GLT8D1: variants seen among roughly 807,000 people sequenced by gnomAD.
GLT8D1 encodes glycosyltransferase 8 domain containing 1, also known as glycosyltransferase 8 domain-containing protein 1.
In GLT8D1, 41 loss-of-function variants were observed where a neutral mutation model predicts 46.2. The observed-to-expected ratio is 0.89, with a 90% CI of 0.69 to 1.15. GLT8D1 has a LOEUF of 1.15. Among genes scored for constraint, GLT8D1 ranks in the 50% most tolerant of loss-of-function variants. GLT8D1 has a pLI of 0.00. For synonymous variants in GLT8D1, 150 were observed against 154.2 expected (o/e 0.97, Z 0.20); for missense variants, 408 against 449.3 (o/e 0.91, Z 0.83).
chr3:52,705,766 A>G lies in GLT8D1; in HGVS notation c.-356T>C. 8.9e-7 allele frequency: 1 copy of G among 1,122,202 alleles called. No individual in the cohort carries two copies. The highest frequency in any genetic ancestry group is 1.6e-5 in the African/African-American group (1 of 60,980). 69.5% of individuals were successfully genotyped at this position (1,122,202 alleles called of 1,614,324 possible). A position where few individuals can be genotyped will look rare whatever the true frequency, so the allele number is the denominator to read the frequency against. Reference sequence around the variant, plus strand: ...CAGCCAGCCCGCAGCGGTAACCGCTAGAGCGTCGCGCCAAGCAGGCGCCGC... The same window carrying G: ...CAGCCAGCCCGCAGCGGTAACCGCTGGAGCGTCGCGCCAAGCAGGCGCCGC... On this transcript the variant is annotated 5_prime_UTR_variant, in exon 1 of 10. Coordinates refer to ENST00000266014, the MANE Select transcript of GLT8D1 (RefSeq NM_018446.4).
chr3:52,700,763 G>T (rs2097338686), intron 1 of GLT8D1: 3 of 258,892 alleles, frequency 1.2e-5, no homozygotes, highest in Non-Finnish European at 7.3e-6. Flanking sequence ...AAAAGCAAAA[G>T]AAACATTTAA....
chr3:52,703,198 G>A (rs2097340888), intron 1 of GLT8D1: 1 of 150,100 alleles, frequency 6.7e-6, no homozygotes, highest in Non-Finnish European at 1.5e-5. Flanking sequence ...GCCAAGGCAG[G>A]TGGATCAAGA....
In GLT8D1 at chr3:52,695,996, C is replaced by T. The variant is rs878906574; in HGVS notation, c.577G>A (p.Ala193Thr). 1 of 1,612,388 alleles carries T rather than the reference C, an allele frequency of 6.2e-7. No individual in the cohort carries two copies. The highest frequency in any genetic ancestry group is 8.5e-7 in the Non-Finnish European group (1 of 1,178,384). The change falls in exon 7 of 10, where the codon GCA (alanine) becomes ACA (threonine). Residue 193 changes from alanine (A) to threonine (T), a missense_variant. Coordinates refer to ENST00000266014, the MANE Select transcript of GLT8D1 (RefSeq NM_018446.4). The stretch of plus-strand genomic sequence containing the variant: ...TCACAATCTTCTGAAAATGCAGCTG[C>T]ATGTCCTGGCTTCAGTGCTGTATTG... ...LYNTALKPGHAAAFSEDCDSA... is the reference protein window; with the variant it reads ...LYNTALKPGHTAAFSEDCDSA...
intron 3 of GLT8D1, among the ~76,000 whole-genome samples, chr3:52,698,930 CATGTA>C (rs1416703953): frequency 2.0e-5 from 3 of 152,086 alleles, no homozygotes; most frequent in South Asian, 4.1e-4. Context: ...ACATGTGCTA[CATGTA>C]ATGTATTTCC....
Position 52,697,936 on chromosome 3 carries a change from T to C in GLT8D1, c.116-2A>G. The C allele has an allele frequency of 1.3e-6, 2 of 1,590,048 alleles. No individual in the cohort carries two copies. Among genetic ancestry groups the C allele is most frequent in the Non-Finnish European group, 1.7e-6 (2 of 1,158,054 alleles). On this transcript the variant is annotated splice_acceptor_variant, in intron 3 of 9. Coordinates refer to ENST00000266014, the MANE Select transcript of GLT8D1 (RefSeq NM_018446.4). LOFTEE classifies it high-confidence loss of function. ...GTTGAGGCCCTACAATTCCTGAATC[T>C]GAAAACACAAGGAAGGCACTGTGAT...
chr3:52,701,977 A>G (rs1281871329), intron 1 of GLT8D1, among the ~76,000 whole-genome samples: 1 of 152,230 alleles, frequency 6.6e-6, no homozygotes, highest in Non-Finnish European at 1.5e-5. Flanking sequence ...CAACCCTTAC[A>G]TAAGGCTATT....
At chr3:52,696,439 A>C in intron 5 of GLT8D1, 103 bp downstream of exon 5, 10 of 1,000,382 alleles carry the variant, frequency 1.0e-5, no homozygotes, top group Non-Finnish European at 1.6e-5. Context: ...AGAACCACCC[A>C]GGCTTGGTCC....
At chr3:52,696,390 G>A in intron 5 of GLT8D1, 72 bp from the exon 6 acceptor site, 2 of 1,145,510 alleles carry the variant, frequency 1.7e-6, no homozygotes, top group Non-Finnish European at 1.3e-6. Context: ...AAACTCCTAG[G>A]ATGCTTTCAG....
chr3:52,703,883 T>G (rs1355385257), intron 1 of GLT8D1: 1 of 152,202 alleles, frequency 6.6e-6, no homozygotes, highest in Non-Finnish European at 1.5e-5. Context: ...TTTCCTGATC[T>G]GGTTAGAAGG....
chr3:52,702,950 CT>C (rs573106785), intron 1 of GLT8D1: 69 of 151,416 alleles, frequency 4.6e-4, no homozygotes, highest in African/African-American at 1.6e-3. Context: ...CCACGCCCAG[CT>C]AATTTTAATA....
intron 1 of GLT8D1, 78 bp downstream of exon 1, chr3:52,705,369 C>A (rs2097343172): frequency 6.6e-6 from 1 of 152,462 alleles, no homozygotes; most frequent in African/African-American, 2.4e-5. Context: ...GGTCCCCTCT[C>A]CAAGGGAATT....
At chr3:52,699,410 G>A (rs1963813) in intron 3 of GLT8D1, among the ~76,000 whole-genome samples, 14,950 of 151,928 alleles carry the variant, frequency 0.098, 2,450 homozygotes, top group African/African-American at 0.34. Flanking sequence ...TCAGCCTCCC[G>A]AGTAGCTGGG....
At position 52,694,966 on chromosome 3, in the gene GLT8D1, T is replaced by A. The variant is rs758721529; in HGVS notation, c.995A>T (p.His332Leu). 1.5e-5 allele frequency: 24 copies of A among 1,611,406 alleles called. No homozygotes were observed. The South Asian group carries it at 2.6e-4, about 18-fold the overall frequency. ...KAAKLLHWNG[H>L]LKPWGRTASY... Reference sequence around the variant, plus strand: ...AGCAGTCCTTCCCCATGGCTTCAAATGTCCATTCCAATGGAGTAACTTGGC... The same window carrying A: ...AGCAGTCCTTCCCCATGGCTTCAAAAGTCCATTCCAATGGAGTAACTTGGC... The change falls in exon 10 of 10, where the codon CAT becomes CTT. Residue 332 changes from histidine (H) to leucine (L), a missense_variant. Coordinates refer to ENST00000266014, the MANE Select transcript of GLT8D1 (RefSeq NM_018446.4).
intron 1 of GLT8D1, chr3:52,703,919 G>A (rs1039292815): frequency 1.3e-5 from 2 of 152,208 alleles, no homozygotes; most frequent in Non-Finnish European, 2.9e-5. Context: ...ATTGCACACA[G>A]ACGCTGGATC....
chr3:52,699,253 A>G (rs976497184), intron 3 of GLT8D1, among the ~76,000 whole-genome samples: 8 of 152,106 alleles, frequency 5.3e-5, no homozygotes, highest in Non-Finnish European at 8.8e-5. Flanking sequence ...AAAACAGTAC[A>G]CAAATTGCCT....
intron 7 of GLT8D1, 146 bp from the exon 8 acceptor site, chr3:52,695,733 A>T (rs2154100068): frequency 1.6e-6 from 1 of 641,980 alleles, no homozygotes; most frequent in Middle Eastern, 2.5e-4. Flanking sequence ...AGGAACCTAG[A>T]TGTTGACATA....
In GLT8D1 at chr3:52,695,435, C is replaced by G; in HGVS notation, c.798G>C (p.Met266Ile). ...QNITNQLEKW[M>I]KLNVEEGLYS... is the part of the protein sequence containing the mutation. ...TACATACTTACTCTACATTGAGTTT[C>G]ATCCATTTTTCCAGTTGGTTAGTTA... Residue 266 changes from methionine (M) to isoleucine (I), a missense_variant, in exon 8 of 10, where the codon ATG (methionine) becomes ATC (isoleucine). Met to Ile is a conservative substitution (Grantham distance 10). Coordinates refer to ENST00000266014, the MANE Select transcript of GLT8D1 (RefSeq NM_018446.4). The G allele has an allele frequency of 6.2e-7, 1 of 1,613,644 alleles. No homozygotes were observed. The highest frequency in any genetic ancestry group is 8.5e-7 in the Non-Finnish European group (1 of 1,179,702).
chr3:52,695,418 TACTC>T lies in GLT8D1; in HGVS notation c.811_812+2del. The T allele has an allele frequency of 6.2e-7, 1 of 1,612,658 alleles. No individual in the cohort carries two copies. Among genetic ancestry groups the T allele is most frequent in the Non-Finnish European group, 8.5e-7 (1 of 1,178,894 alleles). On this transcript the variant is annotated splice_donor_variant and coding_sequence_variant, in exon 8 of 10. Transcript: ENST00000266014. LOFTEE classifies it high-confidence loss of function. ...TTCACAGCTAGGCCAGTTACATACT[TACTC>T]TACATTGAGTTTCATCCATTTTTCC...
chr3:52,697,611 A>G lies in GLT8D1; in HGVS notation c.329+110T>C, dbSNP rs1244351915. On this transcript the variant is annotated intron_variant, in intron 4 of 9. Transcript: ENST00000266014. The stretch of plus-strand genomic sequence containing the variant: ...ATTTGTACAGTTTATCACTGGTACA[A>G]TTTCAATTGTATAAAACAACATACA... 27 of 786,388 alleles carry G rather than the reference A, an allele frequency of 3.4e-5. No individual in the cohort carries two copies. The East Asian group carries it at 5.4e-4, about 16-fold the overall frequency. The allele number at this position is 786,388 out of a possible 1,614,324, so 48.7% of individuals were successfully genotyped here. A position where few individuals can be genotyped will look rare whatever the true frequency, so the allele number is the denominator to read the frequency against.
Sources: gnomAD v4.1 joint callset for allele counts (sites outside exome capture counted in the v4.1 genomes callset) on GRCh38, gnomAD v4.1.1 for gene constraint, MANE v1.5 for transcripts, NCBI Gene and HGNC (gene_info 2026-07-23, HGNC 2026-07-21) for gene names.